Variants in CACNA1I observed in about 807,000 individuals in gnomAD.
CACNA1I encodes the protein calcium voltage-gated channel subunit alpha1 I.
In CACNA1I, 74 loss-of-function variants were observed where a neutral mutation model predicts 201.6. That is an observed-to-expected ratio of 0.37 (90% CI 0.30 to 0.45). The LOEUF is 0.45. Among genes scored for constraint, CACNA1I ranks in the 20% least tolerant of loss-of-function variants. The pLI, the probability that CACNA1I is intolerant of heterozygous loss-of-function variation, is 1.00. For missense variants in CACNA1I, 2,346 were observed against 3,138.1 expected, an observed-to-expected ratio of 0.75 and a Z score of 6.03; for synonymous variants, 1,431 against 1,345.2, an observed-to-expected ratio of 1.06 and a Z score of -1.40.
chr22:39,576,982 C>T (rs1204568322), intron 1 of CACNA1I, among the ~76,000 whole-genome samples: 2 of 152,030 alleles, frequency 1.3e-5, no homozygotes, highest in African/African-American at 2.4e-5. Context: ...GACCAAGTCT[C>T]GCACTGTCGC....
rs1934946296 is a variant in CACNA1I, at chr22:39,659,886, C to T, written c.2604+34C>T. On this transcript the variant is annotated intron_variant, in intron 14 of 36. Transcript: ENST00000402142. This position sits in a 1 kb window ranked among gnomAD's most constrained non-coding sequence, Gnocchi z 4.3. The stretch of plus-strand genomic sequence containing the variant: ...GGTCTTGGCAGAGGAAGCACCCCCA[C>T]AGGGTCTGCGAAAGACTGGGCGAGG... 3 of 1,612,968 alleles carry T rather than the reference C, an allele frequency of 1.9e-6. No homozygotes were observed. The South Asian group carries it at 3.3e-5, about 18-fold the overall frequency.
chr22:39,626,462 G>C (rs74954365), intron 4 of CACNA1I, among the ~76,000 whole-genome samples: 1 of 152,340 alleles, frequency 6.6e-6, no homozygotes, highest in African/African-American at 2.4e-5. Flanking sequence ...CTGGCAGATA[G>C]ATTGGCATGT....
At chr22:39,609,721 C>G (rs911389486) in intron 3 of CACNA1I, among the ~76,000 whole-genome samples, 2 of 152,226 alleles carry the variant, frequency 1.3e-5, no homozygotes, top group Admixed American at 6.5e-5. Flanking sequence ...TTGGCTAAAT[C>G]AAACAAGAGT....
At chr22:39,637,940 A>AT (rs879558234) in intron 5 of CACNA1I, among the ~76,000 whole-genome samples, 28 of 146,776 alleles carry the variant, frequency 1.9e-4, no homozygotes, top group South Asian at 4.3e-4. Flanking sequence ...TGGAGTCAAG[A>AT]TTTTTTTTTT....
chr22:39,616,153 C>G (rs1192575279), intron 3 of CACNA1I, among the ~76,000 whole-genome samples: 2 of 152,190 alleles, frequency 1.3e-5, no homozygotes, highest in Admixed American at 1.3e-4. Flanking sequence ...TGTGTTGCTC[C>G]AGGCCTGCCC....
At chr22:39,591,022 T>TA (rs947875191) in intron 1 of CACNA1I, among the ~76,000 whole-genome samples, 2 of 151,264 alleles carry the variant, frequency 1.3e-5, no homozygotes, top group African/African-American at 4.9e-5. Context: ...TAAAAAATTT[T>TA]TTTTTTTTTT....
At chr22:39,598,295 C>CCCTGT in intron 2 of CACNA1I, 33 bp downstream of exon 2, 2 of 1,273,872 alleles carry the variant, frequency 1.6e-6, no homozygotes, top group East Asian at 2.6e-5. Flanking sequence ...CCCCGCCCTG[C>CCCTGT]CCTCATCCTC....
At chr22:39,585,386 C>CTTTTTTTTTTT (rs67733131) in intron 1 of CACNA1I, among the ~76,000 whole-genome samples, 3 of 90,448 alleles carry the variant, frequency 3.3e-5, no homozygotes, top group Non-Finnish European at 6.5e-5. Flanking sequence ...TTCTTTCTTT[C>CTTTTTTTTTTT]TTTTTTTTTT....
rs185740226 is a variant in CACNA1I at position 39,673,985 on chromosome 22, C to T, written c.4806C>T (p.Ala1602=). The T allele has an allele frequency of 2.6e-5, 42 of 1,613,372 alleles. No individual in the cohort carries two copies. In the East Asian group the frequency reaches 4.9e-4, roughly 19 times the overall value. Reference sequence around the variant, plus strand: ...CAGTGCTGAAGCTGTTGAAGATGGCCACAGGAATGCGGGCCCTGCTGGACA... The same window carrying T: ...CAGTGCTGAAGCTGTTGAAGATGGCTACAGGAATGCGGGCCCTGCTGGACA... ...IARVLKLLKM[A]TGMRALLDTV... The change falls in exon 29 of 37, where the codon GCC becomes GCT. Residue 1602 remains alanine, a synonymous_variant. Coordinates refer to ENST00000402142, the MANE Select transcript of CACNA1I (RefSeq NM_021096.4).
Position 39,648,280 on chromosome 22 carries a change from G to A in CACNA1I, c.1567+354G>A. Among the ~76,000 whole-genome samples, 1 of 152,152 alleles carries A rather than the reference G, an allele frequency of 6.6e-6. No homozygotes were observed. Among genetic ancestry groups the A allele is most frequent in the East Asian group, 1.9e-4 (1 of 5,156 alleles). ...TCGGAGGAGGCCCCAGGTGGCCCGT[G>A]GGCAGGCCCGGCATGCGGACACAGG... On this transcript the variant is annotated intron_variant, in intron 9 of 36. Coordinates refer to ENST00000402142, the MANE Select transcript of CACNA1I (RefSeq NM_021096.4). This position sits in a 1 kb window ranked among gnomAD's most constrained non-coding sequence, Gnocchi z 5.4.
At chr22:39,656,458 C>T in intron 10 of CACNA1I, 1 of 518,138 alleles carries the variant, frequency 1.9e-6, no homozygotes, top group Non-Finnish European at 3.9e-6. Context: ...GCTCCCCTAG[C>T]CACCCCCCAC....
In CACNA1I at chr22:39,677,125, C is replaced by G. The variant is rs1935534734; in HGVS notation, c.4855-216C>G. Among the ~76,000 whole-genome samples the G allele has an allele frequency of 6.6e-6, 1 of 152,208 alleles. No homozygotes were observed. Among genetic ancestry groups the G allele is most frequent in the Non-Finnish European group, 1.5e-5 (1 of 68,038 alleles). ...GGGACAGCTTGTGGTAAAGGTGGCA[C>G]AAGTGTTTTCTTGTTATTCTGAGCC... On this transcript the variant is annotated intron_variant, in intron 29 of 36. Transcript: ENST00000402142. The surrounding 1 kb of genome is among the most constrained non-coding windows in gnomAD (Gnocchi z 4.8).
Position 39,677,291 on chromosome 22 carries a change from C to A in CACNA1I, c.4855-50C>A. On this transcript the variant is annotated intron_variant, in intron 29 of 36. Transcript: ENST00000402142. The surrounding 1 kb of genome is among the most constrained non-coding windows in gnomAD (Gnocchi z 4.8). ...GCCTCCACCCTTCCCAGGCCTGGTG[C>A]GCCCCCACCCGCTCCCCAGCCCCAC... 1 of 1,295,194 alleles carries A rather than the reference C, an allele frequency of 7.7e-7. No homozygotes were observed. The highest frequency in any genetic ancestry group is 1.1e-6 in the Non-Finnish European group (1 of 926,030). 80.2% of individuals were successfully genotyped at this position (1,295,194 alleles called of 1,614,324 possible).
At chr22:39,602,415 A>G (rs1476843957) in intron 3 of CACNA1I, among the ~76,000 whole-genome samples, 1 of 151,918 alleles carries the variant, frequency 6.6e-6, no homozygotes, top group African/African-American at 2.4e-5. Context: ...AGTTTTACAA[A>G]CACATTGTCA....
chr22:39,670,900 C>T lies in CACNA1I; in HGVS notation c.4485C>T (p.Phe1495=), dbSNP rs746092894. ...TSHYLDIFIT[F]IICLNVVTMS... ...ACTACCTGGACATCTTCATCACCTTCATCATCTGCCTCAACGTGGTCACCA... is the reference window on the plus strand; with the variant it reads ...ACTACCTGGACATCTTCATCACCTTTATCATCTGCCTCAACGTGGTCACCA... Residue 1495 remains phenylalanine, a synonymous_variant, in exon 26 of 37, where the codon TTC becomes TTT. Transcript: ENST00000402142. 4 of 1,613,816 alleles carry T rather than the reference C, an allele frequency of 2.5e-6. No individual in the cohort carries two copies. The highest frequency in any genetic ancestry group is 2.2e-5 in the East Asian group (1 of 44,896).
intron 1 of CACNA1I, among the ~76,000 whole-genome samples, chr22:39,592,321 C>A (rs555955381): frequency 6.6e-6 from 1 of 152,226 alleles, no homozygotes; most frequent in East Asian, 1.9e-4. Context: ...TGGGGAAACG[C>A]GGAGGGTTTC....
intron 7 of CACNA1I, among the ~76,000 whole-genome samples, chr22:39,646,074 G>A (rs1268836440): frequency 6.6e-6 from 1 of 152,100 alleles, no homozygotes; most frequent in Admixed American, 6.5e-5. Context: ...CCAGGGCCTA[G>A]GGGTCTGAGG....
rs1325734527 is a variant in CACNA1I at position 39,649,143 on chromosome 22, G to A, written c.1568-358G>A. Among the ~76,000 whole-genome samples the A allele has an allele frequency of 6.6e-6, 1 of 152,246 alleles. No homozygotes were observed. Among genetic ancestry groups the A allele is most frequent in the African/African-American group, 2.4e-5 (1 of 41,460 alleles). Reference sequence around the variant, plus strand: ...CAGAATCACATCTAGTTCCCAAGCTGCACGACTGGGGCTCTGGGTCTGTTC... The same window carrying A: ...CAGAATCACATCTAGTTCCCAAGCTACACGACTGGGGCTCTGGGTCTGTTC... On this transcript the variant is annotated intron_variant, in intron 9 of 36. Transcript: ENST00000402142. The surrounding 1 kb of genome is among the most constrained non-coding windows in gnomAD (Gnocchi z 7.3).
chr22:39,575,421 G>C (rs1223513943), intron 1 of CACNA1I, among the ~76,000 whole-genome samples: 1 of 152,162 alleles, frequency 6.6e-6, no homozygotes, highest in Non-Finnish European at 1.5e-5. Context: ...CATATGTGTG[G>C]TTATCACTCT....
Sources: allele counts gnomAD v4.1 joint callset (sites outside exome capture counted in the v4.1 genomes callset), GRCh38; gene constraint gnomAD v4.1.1; non-coding constraint Gnocchi (gnomAD v3.1); transcripts MANE v1.5; gene names NCBI Gene and HGNC (gene_info 2026-07-23, HGNC 2026-07-21).